The following RGS9 variants were observed in gnomAD, a reference collection of about 807,000 sequenced individuals.
RGS9 encodes the protein regulator of G-protein signalling 9.
In RGS9, 78 loss-of-function variants were observed where a neutral mutation model predicts 102.0. The ratio of observed to expected loss-of-function variants is 0.76; its 90% confidence interval spans 0.64 to 0.92. The LOEUF (loss-of-function observed/expected upper bound fraction) is 0.92, where lower values mean the gene tolerates loss of function less well. Among genes scored for constraint, RGS9 ranks in the 40% least tolerant of loss-of-function variants. The pLI is 0.00. For missense variants in RGS9, 833 were observed against 866.1 expected, an observed-to-expected ratio of 0.96 and a Z score of 0.48; for synonymous variants, 353 against 318.6, an observed-to-expected ratio of 1.11 and a Z score of -1.15.
At position 65,180,972 on chromosome 17, in the gene RGS9, A is replaced by T. The variant is rs540627579; in HGVS notation, c.654+3169A>T. On this transcript the variant is annotated intron_variant, in intron 9 of 18. Coordinates refer to ENST00000262406, the MANE Select transcript of RGS9 (RefSeq NM_003835.4). Reference sequence around the variant, plus strand: ...AGCTCCATCCATGTTGCTACAAAGAACATGATCTCATTTTTTTATGGCTGC... The same window carrying T: ...AGCTCCATCCATGTTGCTACAAAGATCATGATCTCATTTTTTTATGGCTGC... Among the ~76,000 whole-genome samples, 7 of 152,318 alleles carry T rather than the reference A, an allele frequency of 4.6e-5. No individual in the cohort carries two copies. The South Asian group carries it at 1.5e-3, about 32-fold the overall frequency.
chr17:65,184,772 CTTTG>C (rs1427760746), intron 9 of RGS9, among the ~76,000 whole-genome samples: 1 of 145,396 alleles, frequency 6.9e-6, no homozygotes, highest in Non-Finnish European at 1.5e-5. Flanking sequence ...CCCTTTCATT[CTTTG>C]TTTCTTTCTC....
At chr17:65,160,739 G>A in intron 5 of RGS9, 112 bp from the exon 6 acceptor site, 1 of 1,391,130 alleles carries the variant, frequency 7.2e-7, no homozygotes, top group Non-Finnish European at 1.0e-6. Context: ...AAGGGGCTGG[G>A]TGTGCTGAGC....
chr17:65,170,813 A>C (rs1332681558), intron 8 of RGS9, among the ~76,000 whole-genome samples: 2 of 152,156 alleles, frequency 1.3e-5, no homozygotes, highest in Non-Finnish European at 2.9e-5. Flanking sequence ...CCTGAGTGAA[A>C]ACCAGACCAG....
intron 15 of RGS9, among the ~76,000 whole-genome samples, chr17:65,206,319 G>A (rs1049683869): frequency 3.9e-5 from 6 of 152,132 alleles, no homozygotes; most frequent in Non-Finnish European, 7.4e-5. Context: ...GTTACTAGAC[G>A]ATTCACAGCA....
intron 3 of RGS9, chr17:65,158,602 G>A: frequency 5.3e-6 from 3 of 566,610 alleles, no homozygotes; most frequent in Non-Finnish European, 9.6e-6. Context: ...AGTCCTGGAG[G>A]GGGTGCTGTG....
chr17:65,175,623 A>G (rs1205390614), intron 8 of RGS9, among the ~76,000 whole-genome samples: 1 of 152,116 alleles, frequency 6.6e-6, no homozygotes. Context: ...TCCGGCACAT[A>G]AGAAGTGCCC....
chr17:65,177,876 T>C, intron 9 of RGS9, 73 bp downstream of exon 9: 1 of 1,182,006 alleles, frequency 8.5e-7, no homozygotes. Flanking sequence ...CACATGTCTA[T>C]TCGTGTCTGT....
chr17:65,169,881 C>T (rs1225235115), intron 8 of RGS9, among the ~76,000 whole-genome samples: 2 of 151,774 alleles, frequency 1.3e-5, no homozygotes, highest in African/African-American at 4.8e-5. Context: ...TCCCTCACCT[C>T]CTTTATCTCC....
chr17:65,197,371 G>A, intron 13 of RGS9, 130 bp downstream of exon 13: 1 of 707,840 alleles, frequency 1.4e-6, no homozygotes, highest in African/African-American at 1.8e-5. Flanking sequence ...TTAAACAGTT[G>A]CTTCCTTTCA....
In RGS9 at chr17:65,200,651, T is replaced by C. The variant is rs185338415; in HGVS notation, c.977-1342T>C. 2.6e-5 allele frequency among the ~76,000 whole-genome samples: 4 copies of C among 152,296 alleles called. No homozygotes were observed. In the East Asian group the frequency reaches 7.7e-4, roughly 29 times the overall value. Reference sequence around the variant, plus strand: ...GGGACAAATGCCAACTAGTTTAAAATTGTGCAGCCTTTTCTAATATGAAGC... The same window carrying C: ...GGGACAAATGCCAACTAGTTTAAAACTGTGCAGCCTTTTCTAATATGAAGC... On this transcript the variant is annotated intron_variant, in intron 13 of 18. Coordinates refer to ENST00000262406, the MANE Select transcript of RGS9 (RefSeq NM_003835.4).
At chr17:65,225,508 G>GC (rs765233311) in intron 18 of RGS9, 22 bp downstream of exon 18, 1 of 1,599,670 alleles carries the variant, frequency 6.3e-7, no homozygotes, top group South Asian at 1.1e-5. Flanking sequence ...AAGGGGACGT[G>GC]CCGTATGCAT....
chr17:65,149,259 C>T (rs1399627151), intron 1 of RGS9, among the ~76,000 whole-genome samples: 1 of 152,104 alleles, frequency 6.6e-6, no homozygotes, highest in Admixed American at 6.5e-5. Flanking sequence ...CAGGCATGAG[C>T]CATCGCACCG....
At chr17:65,193,269 A>G (rs978761685) in intron 11 of RGS9, among the ~76,000 whole-genome samples, 1 of 151,190 alleles carries the variant, frequency 6.6e-6, no homozygotes, top group Non-Finnish European at 1.5e-5. Context: ...AAAAAAAAAA[A>G]AGAAAAAAAA....
chr17:65,215,548 T>TTTCTTTC (rs67924068), intron 17 of RGS9, among the ~76,000 whole-genome samples: 2 of 78,276 alleles, frequency 2.6e-5, no homozygotes, highest in African/African-American at 9.5e-5. Flanking sequence ...TTCTTTCTTT[T>TTTCTTTC]TTTTTGTTTT....
At chr17:65,175,137 G>T (rs546596668) in intron 8 of RGS9, among the ~76,000 whole-genome samples, 6 of 151,948 alleles carry the variant, frequency 3.9e-5, no homozygotes, top group African/African-American at 1.4e-4. Context: ...GTGTGTGAGT[G>T]TGCATATGTA....
chr17:65,146,056 T>C (rs1910346969), intron 1 of RGS9, among the ~76,000 whole-genome samples: 1 of 152,156 alleles, frequency 6.6e-6, no homozygotes. Context: ...TGAAGGTTAT[T>C]TTCAAACTCT....
intron 8 of RGS9, among the ~76,000 whole-genome samples, chr17:65,175,772 C>T (rs560301027): frequency 5.3e-5 from 8 of 152,294 alleles, no homozygotes; most frequent in African/African-American, 1.9e-4. Flanking sequence ...CACATATTTG[C>T]CTCCATGGTA....
intron 7 of RGS9, among the ~76,000 whole-genome samples, chr17:65,167,779 G>T (rs1236756012): frequency 6.6e-6 from 1 of 152,174 alleles, no homozygotes; most frequent in Non-Finnish European, 1.5e-5. Flanking sequence ...TGGTGGAGTT[G>T]GTTTGATTTA....
At chr17:65,167,147 G>A (rs1187315586) in intron 7 of RGS9, among the ~76,000 whole-genome samples, 2 of 152,198 alleles carry the variant, frequency 1.3e-5, no homozygotes, top group Admixed American at 6.5e-5. Context: ...CCCATCCAGA[G>A]TGGGAAAGGG....
Sources: allele counts gnomAD v4.1 joint callset (sites outside exome capture counted in the v4.1 genomes callset), GRCh38; gene constraint gnomAD v4.1.1; transcripts MANE v1.5; gene names NCBI Gene and HGNC (gene_info 2026-07-23, HGNC 2026-07-21).